Variants in MTA3 observed in about 807,000 individuals in gnomAD.
MTA3 encodes the protein metastasis-associated protein MTA3.
In MTA3, 34 loss-of-function variants were observed where a neutral mutation model predicts 83.5. The observed-to-expected ratio is 0.41, with a 90% confidence interval of 0.31 to 0.54. The LOEUF is 0.54. Ranked by LOEUF, MTA3 falls within the 20% of genes least tolerant of loss-of-function variation. MTA3 has a pLI of 0.33. For missense variants in MTA3, 761 were observed against 726.4 expected (o/e 1.05, Z -0.55); for synonymous variants, 303 against 252.7 (o/e 1.20, Z -1.89).
intron 6 of MTA3, among the ~76,000 whole-genome samples, chr2:42,647,846 T>A (rs979780054): frequency 6.6e-6 from 1 of 152,168 alleles, no homozygotes; most frequent in Non-Finnish European, 1.5e-5. Flanking sequence ...AAAGAACTCT[T>A]CTTTTTTTTG....
chr2:42,518,679 C>T (rs1229754636), intron 2 of MTA3, among the ~76,000 whole-genome samples: 1 of 149,638 alleles, frequency 6.7e-6, no homozygotes, highest in Non-Finnish European at 1.5e-5. Flanking sequence ...GACTTCCTTC[C>T]AAAGAATATA....
At chr2:42,644,381 GTAAAAAA>G (rs1383406813) in intron 6 of MTA3, 137 bp downstream of exon 6, 14 of 541,870 alleles carry the variant, frequency 2.6e-5, no homozygotes. Context: ...ACTGTTCTTT[GTAAAAAA>G]TAAAAAATAA....
intron 2 of MTA3, among the ~76,000 whole-genome samples, chr2:42,574,720 C>A (rs1488307906): frequency 6.6e-6 from 1 of 152,096 alleles, no homozygotes; most frequent in African/African-American, 2.4e-5. Context: ...ACCACTGCAC[C>A]CCGCCTAATG....
upstream of MTA3, among the ~76,000 whole-genome samples, chr2:42,565,281 T>A (rs1032799288): frequency 6.6e-6 from 1 of 151,816 alleles, no homozygotes; most frequent in Admixed American, 6.6e-5. Flanking sequence ...CCTCCTGGGC[T>A]CAAGCGATTT....
chr2:42,611,295 C>G (rs1032178893), intron 4 of MTA3, among the ~76,000 whole-genome samples: 3 of 146,970 alleles, frequency 2.0e-5, no homozygotes, highest in African/African-American at 7.6e-5. Flanking sequence ...GGTTTGTAGA[C>G]TTTCTAAAGC....
At chr2:42,679,001 AT>A (rs1280126891) in intron 8 of MTA3, among the ~76,000 whole-genome samples, 1 of 152,126 alleles carries the variant, frequency 6.6e-6, no homozygotes, top group African/African-American at 2.4e-5. Flanking sequence ...CAGCATGGAT[AT>A]TCTTCTCATT....
At chr2:42,659,724 ATACT>A in intron 7 of MTA3, 35 bp from the exon 8 acceptor site, 1 of 1,412,472 alleles carries the variant, frequency 7.1e-7, no homozygotes, top group Non-Finnish European at 9.4e-7. Flanking sequence ...ACCAAAACAG[ATACT>A]TAATTCTTCC....
chr2:42,606,573 G>A (rs868521306), intron 3 of MTA3, among the ~76,000 whole-genome samples: 3 of 142,770 alleles, frequency 2.1e-5, no homozygotes, highest in Non-Finnish European at 4.6e-5. Context: ...GCGGCCGGGC[G>A]GAGACGCTCC....
At chr2:42,540,372 C>G (rs984166922) in intron 2 of MTA3, among the ~76,000 whole-genome samples, 3 of 151,444 alleles carry the variant, frequency 2.0e-5, no homozygotes, top group East Asian at 2.0e-4. Context: ...ATGGGGTCTT[C>G]TATGTTGCCC....
At chr2:42,496,697 C>A (rs1463766130) in intron 2 of MTA3, among the ~76,000 whole-genome samples, 1 of 151,898 alleles carries the variant, frequency 6.6e-6, no homozygotes, top group Non-Finnish European at 1.5e-5. Flanking sequence ...GTAACTAGCC[C>A]GAGCATTCCC....
At chr2:42,621,820 C>T (rs890131505) in intron 4 of MTA3, among the ~76,000 whole-genome samples, 2 of 142,884 alleles carry the variant, frequency 1.4e-5, no homozygotes, top group East Asian at 2.0e-4. Context: ...CAGACGGGGT[C>T]GTGGCCGGGC....
At chr2:42,507,611 G>C (rs1674693103) in intron 2 of MTA3, among the ~76,000 whole-genome samples, 1 of 150,300 alleles carries the variant, frequency 6.7e-6, no homozygotes, top group African/African-American at 2.4e-5. Context: ...TGTGTGAAAA[G>C]ATTATGTTTT....
intron 3 of MTA3, among the ~76,000 whole-genome samples, chr2:42,592,649 G>A (rs1265758105): frequency 6.6e-6 from 1 of 152,044 alleles, no homozygotes; most frequent in Non-Finnish European, 1.5e-5. Flanking sequence ...ATATATATTA[G>A]CTTAGGCCTA....
In MTA3 at chr2:42,756,174, A is replaced by C. The variant is rs1670224078; in HGVS notation, c.*2775A>C. ...CCCATCCTGAGACTGGCTGGGCACC[A>C]GGGGAGGACGCGTCACCAGAGCCTG... On this transcript the variant is annotated 3_prime_UTR_variant, in exon 17 of 17. Transcript: ENST00000405094. 6.2e-6 allele frequency: 2 copies of C among 321,074 alleles called. No homozygotes were observed. Among genetic ancestry groups the C allele is most frequent in the Admixed American group, 1.3e-4 (2 of 15,472 alleles). 19.9% of individuals were successfully genotyped at this position (321,074 alleles called of 1,614,324 possible).
chr2:42,634,457 CGAGAG>C (rs773940197), intron 4 of MTA3, among the ~76,000 whole-genome samples: 418 of 152,136 alleles, frequency 2.7e-3, no homozygotes, highest in Non-Finnish European at 4.9e-3. Flanking sequence ...TGGCAGCAGG[CGAGAG>C]AAGGAGAAGG....
At chr2:42,504,798 C>G (rs1674554658) in intron 2 of MTA3, among the ~76,000 whole-genome samples, 1 of 152,128 alleles carries the variant, frequency 6.6e-6, no homozygotes, top group African/African-American at 2.4e-5. Context: ...CAGTTGGCCC[C>G]TTTTTGCTCT....
At chr2:42,610,407 G>A (rs1026192926) in intron 4 of MTA3, among the ~76,000 whole-genome samples, 4 of 152,104 alleles carry the variant, frequency 2.6e-5, no homozygotes, top group African/African-American at 4.8e-5. Flanking sequence ...TGCATTGATA[G>A]CATACAAATG....
At chr2:42,693,584 TG>T (rs2104465548) in intron 9 of MTA3, among the ~76,000 whole-genome samples, 1 of 152,230 alleles carries the variant, frequency 6.6e-6, no homozygotes, top group Non-Finnish European at 1.5e-5. Context: ...TTAAAGCCCA[TG>T]GGCTCTTCAT....
intron 14 of MTA3, among the ~76,000 whole-genome samples, chr2:42,715,429 T>G (rs1196687195): frequency 1.2e-5 from 1 of 85,008 alleles, no homozygotes; most frequent in Non-Finnish European, 2.2e-5. Context: ...TTTTTTTTTT[T>G]TGAGACAGGG....
Sources: allele counts gnomAD v4.1 joint callset (sites outside exome capture counted in the v4.1 genomes callset), GRCh38; gene constraint gnomAD v4.1.1; transcripts MANE v1.5; gene names NCBI Gene and HGNC (gene_info 2026-07-23, HGNC 2026-07-21).